PLXNA4: variants seen among roughly 807,000 people sequenced by gnomAD.
The protein encoded by PLXNA4 is plexin A4.
In PLXNA4, 44 loss-of-function variants were observed where a neutral mutation model predicts 191.8. The ratio of observed to expected loss-of-function variants is 0.23; its 90% CI spans 0.18 to 0.29. The LOEUF (loss-of-function observed/expected upper bound fraction) is 0.29, where lower values mean the gene tolerates loss of function less well. Among genes scored for constraint, PLXNA4 ranks in the 10% least tolerant of loss-of-function variants. The probability of loss-of-function intolerance (pLI) is 1.00; values close to 1 mark genes in which losing one functional copy is unlikely to be tolerated. For synonymous variants in PLXNA4, 1,082 were observed against 1,009.5 expected (o/e 1.07, Z -1.36); for missense variants, 1,800 against 2,488.8 (o/e 0.72, Z 5.89).
intron 1 of PLXNA4, among the ~76,000 whole-genome samples, chr7:132,510,342 C>G (rs1424262140): frequency 1.3e-5 from 2 of 152,344 alleles, no homozygotes; most frequent in East Asian, 3.9e-4. Context: ...GCATTGTCAG[C>G]CAGCATCCTA....
At chr7:132,566,876 C>T (rs115287669) in intron 1 of PLXNA4, among the ~76,000 whole-genome samples, 5,162 of 152,228 alleles carry the variant, frequency 0.034, 197 homozygotes, top group African/African-American at 0.089. Context: ...AAGAGGCAGG[C>T]GGTGCCTCTG....
chr7:132,288,944 C>T (rs996527024), intron 4 of PLXNA4, among the ~76,000 whole-genome samples: 1 of 152,112 alleles, frequency 6.6e-6, no homozygotes, highest in Non-Finnish European at 1.5e-5. Context: ...CACTGAGGTG[C>T]AAAGAAATGG....
At chr7:132,428,073 T>C (rs989058709) in intron 3 of PLXNA4, among the ~76,000 whole-genome samples, 5 of 152,150 alleles carry the variant, frequency 3.3e-5, no homozygotes, top group African/African-American at 9.7e-5. Context: ...CAAGGGACAC[T>C]GCAGGAAAGC....
intron 2 of PLXNA4, among the ~76,000 whole-genome samples, chr7:132,614,840 G>GCGGAGAAAAGCAAGCTT (rs1803120357): frequency 6.6e-6 from 1 of 152,220 alleles, no homozygotes; most frequent in African/African-American, 2.4e-5. Flanking sequence ...AAAGCAAGCT[G>GCGGAGAAAAGCAAGCTT]CAGAGAAAGA....
At chr7:132,275,643 C>A (rs1800247055) in intron 4 of PLXNA4, among the ~76,000 whole-genome samples, 1 of 152,122 alleles carries the variant, frequency 6.6e-6, no homozygotes, top group Admixed American at 6.5e-5. Flanking sequence ...CAGAAAGAAA[C>A]AAAGGGGCAA....
At chr7:132,571,492 A>G (rs1370590013) in intron 1 of PLXNA4, among the ~76,000 whole-genome samples, 1 of 152,142 alleles carries the variant, frequency 6.6e-6, no homozygotes, top group Non-Finnish European at 1.5e-5. Context: ...TGGATCCTGA[A>G]GTCAGAAACT....
At chr7:132,153,603 T>C (rs1395745847) in intron 25 of PLXNA4, among the ~76,000 whole-genome samples, 3 of 152,042 alleles carry the variant, frequency 2.0e-5, no homozygotes, top group African/African-American at 2.4e-5. Context: ...TGGAGATCCA[T>C]GTAATTGGCA....
chr7:132,138,160 C>T (rs993512499), intron 30 of PLXNA4, among the ~76,000 whole-genome samples: 1 of 152,152 alleles, frequency 6.6e-6, no homozygotes, highest in Admixed American at 6.5e-5. Flanking sequence ...GAGGACCAGC[C>T]AGGGTAAGCC....
chr7:132,473,396 G>A (rs905141482), intron 3 of PLXNA4, among the ~76,000 whole-genome samples: 1 of 152,180 alleles, frequency 6.6e-6, no homozygotes, highest in African/African-American at 2.4e-5. Flanking sequence ...GCAGTCCCAG[G>A]AGGGCAGTGG....
chr7:132,245,600 C>A (rs998218064), intron 4 of PLXNA4, among the ~76,000 whole-genome samples: 4 of 152,154 alleles, frequency 2.6e-5, no homozygotes, highest in African/African-American at 4.8e-5. Context: ...GCAAAACAAC[C>A]AAAAGCAGGA....
At chr7:132,505,914 C>T (rs887966948) in intron 2 of PLXNA4, among the ~76,000 whole-genome samples, 6 of 152,164 alleles carry the variant, frequency 3.9e-5, no homozygotes, top group African/African-American at 1.4e-4. Context: ...CAAAGGGCTC[C>T]AGGGGCATTC....
At chr7:132,576,986 GC>G (rs1391933264), upstream of PLXNA4, 1 of 145,788 alleles carries the variant, frequency 6.9e-6, no homozygotes, top group Non-Finnish European at 1.5e-5. This position sits in a 1 kb window ranked among gnomAD's most constrained non-coding sequence, Gnocchi z 5.8. Flanking sequence ...CCCCCCGGCA[GC>G]CCGCGGCCGG....
chr7:132,594,225 T>A lies in PLXNA4; in HGVS notation c.-87+51703A>T, dbSNP rs145825775. 5.7e-3 allele frequency among the ~76,000 whole-genome samples: 863 copies of A among 152,268 alleles called. 7 individuals carry two copies. Among genetic ancestry groups the A allele is most frequent in the Middle Eastern group, 0.041 (12 of 294 alleles). ...CCTAATCCAACATGACCGGTGTCTT[T>A]ATAAAAAGGGGAAATTTGGACACAG... On this transcript the variant is annotated intron_variant, in intron 2 of 4. Transcript: ENST00000378539.
intron 3 of PLXNA4, chr7:132,366,182 T>G (rs554267070): frequency 1.3e-5 from 2 of 152,316 alleles, no homozygotes; most frequent in East Asian, 3.9e-4. Context: ...AGGGTCTGTC[T>G]TTAGGGTAAT....
chr7:132,620,189 G>A (rs1052042043), intron 2 of PLXNA4, among the ~76,000 whole-genome samples: 5 of 152,118 alleles, frequency 3.3e-5, no homozygotes, highest in African/African-American at 1.2e-4. Flanking sequence ...AAGACATAAT[G>A]ACACATTCAG....
chr7:132,151,024 A>T (rs1446834402), intron 25 of PLXNA4, among the ~76,000 whole-genome samples: 5 of 152,210 alleles, frequency 3.3e-5, no homozygotes, highest in African/African-American at 4.8e-5. Flanking sequence ...AAAAGTCAGG[A>T]ATGTTTTCCC....
intron 20 of PLXNA4, among the ~76,000 whole-genome samples, chr7:132,179,143 G>A (rs1326426652): frequency 2.8e-5 from 2 of 72,578 alleles, no homozygotes; most frequent in African/African-American, 6.3e-5. Flanking sequence ...ACACACGTGC[G>A]TGCTCACACA....
At chr7:132,350,509 A>G (rs1232362665) in intron 3 of PLXNA4, among the ~76,000 whole-genome samples, 1 of 152,340 alleles carries the variant, frequency 6.6e-6, no homozygotes, top group African/African-American at 2.4e-5. Context: ...GTCTCAAAAA[A>G]TAAAAATAAA....
chr7:132,159,556 G>A lies in PLXNA4; in HGVS notation c.4577C>T (p.Thr1526Ile). ...PVKILNCDTI[T>I]QVKEKILDAI... ...ATCCAGAATCTTCTCCTTGACCTGA[G>A]TGATGGTGTCACAGTTGAGGATCTT... The change falls in exon 25 of 32, where the codon ACT becomes ATT. Residue 1526 changes from threonine to isoleucine, a missense_variant. By Grantham distance (89) the Thr-to-Ile change is moderately conservative. Transcript: ENST00000321063. The A allele has an allele frequency of 1.2e-6, 2 of 1,614,136 alleles. No individual in the cohort carries two copies. The highest frequency in any genetic ancestry group is 1.7e-6 in the Non-Finnish European group (2 of 1,180,028).
Sources: allele counts gnomAD v4.1 joint callset (sites outside exome capture counted in the v4.1 genomes callset), GRCh38; gene constraint gnomAD v4.1.1; non-coding constraint Gnocchi (gnomAD v3.1); transcripts MANE v1.5; gene names NCBI Gene and HGNC (gene_info 2026-07-23, HGNC 2026-07-21).